Variants in MBNL2 observed in about 807,000 individuals in gnomAD.
The protein encoded by MBNL2 is muscleblind like splicing regulator 2.
MBNL2 carries 17 observed loss-of-function variants against 41.9 expected under a neutral mutation model. The observed-to-expected ratio is 0.41, with a 90% CI of 0.28 to 0.61. MBNL2 has a LOEUF of 0.61. MBNL2 is among the 20% of genes least tolerant of loss of function. The pLI, the probability that MBNL2 is intolerant of heterozygous loss-of-function variation, is 0.35. For synonymous variants in MBNL2, 195 were observed against 182.9 expected (o/e 1.07, Z -0.53); for missense variants, 336 against 505.6 (o/e 0.66, Z 3.22).
At chr13:97,278,177 C>G (rs781131385) in intron 2 of MBNL2, among the ~76,000 whole-genome samples, 2 of 147,978 alleles carry the variant, frequency 1.4e-5, no homozygotes, top group Non-Finnish European at 1.5e-5. Context: ...TCACTTGAAC[C>G]CAGGAGGCAG....
chr13:97,331,936 A>T (rs1435726595), intron 2 of MBNL2, among the ~76,000 whole-genome samples: 1 of 152,236 alleles, frequency 6.6e-6, no homozygotes, highest in East Asian at 1.9e-4. Flanking sequence ...AAGAGCATTT[A>T]TAAGAAAATT....
intron 7 of MBNL2, among the ~76,000 whole-genome samples, chr13:97,363,788 C>G (rs572992285): frequency 6.6e-6 from 1 of 152,246 alleles, no homozygotes; most frequent in East Asian, 1.9e-4. Context: ...GTTGAAGAAT[C>G]TGGCAGTAGC....
At chr13:97,205,561 C>A in the MBNL2 span, among the ~76,000 whole-genome samples, 4 of 152,102 alleles carry the variant, frequency 2.6e-5, no homozygotes, top group Non-Finnish European at 4.4e-5. Context: ...AAGGGAGTAT[C>A]CTTTTAAAAG....
At chr13:97,232,549 G>A (rs1354886757) in intron 1 of MBNL2, among the ~76,000 whole-genome samples, 2 of 152,138 alleles carry the variant, frequency 1.3e-5, no homozygotes, top group Non-Finnish European at 2.9e-5. Context: ...AGAATAAGGG[G>A]TAAAACTCAA....
At chr13:97,330,333 C>T (rs1400620892) in intron 2 of MBNL2, among the ~76,000 whole-genome samples, 1 of 152,130 alleles carries the variant, frequency 6.6e-6, no homozygotes, top group East Asian at 1.9e-4. Flanking sequence ...CTCCCAGTTC[C>T]TGGGAGGCTC....
Position 97,260,872 on chromosome 13 carries a change from G to A in MBNL2, c.-604-14760G>A, listed in dbSNP as rs569530128. On this transcript the variant is annotated intron_variant, in intron 1 of 8. Transcript: ENST00000679496. Reference sequence around the variant, plus strand: ...ACCTCCTTATTTTTTTTTTAAATTAGCACAGGCCACCAGGCATAAACCCTT... The same window carrying A: ...ACCTCCTTATTTTTTTTTTAAATTAACACAGGCCACCAGGCATAAACCCTT... Among the ~76,000 whole-genome samples the A allele has an allele frequency of 1.1e-4, 16 of 151,700 alleles. No homozygotes were observed. The South Asian group carries it at 2.5e-3, about 24-fold the overall frequency.
chr13:97,178,097 C>T, the MBNL2 span, among the ~76,000 whole-genome samples: 1 of 152,120 alleles, frequency 6.6e-6, no homozygotes, highest in African/African-American at 2.4e-5. Flanking sequence ...ACAGTGGATA[C>T]TACACAGAAA....
the MBNL2 span, among the ~76,000 whole-genome samples, chr13:97,192,234 C>T: frequency 2.0e-5 from 3 of 152,310 alleles, no homozygotes; most frequent in African/African-American, 7.2e-5. Context: ...TCATTGTTCA[C>T]GCTTTCCCAA....
At chr13:97,322,204 C>A (rs1407614468) in intron 2 of MBNL2, among the ~76,000 whole-genome samples, 1 of 152,174 alleles carries the variant, frequency 6.6e-6, no homozygotes, top group Non-Finnish European at 1.5e-5. Flanking sequence ...TACCTCTGCT[C>A]TGCATAGCCT....
the MBNL2 span, among the ~76,000 whole-genome samples, chr13:97,160,555 G>A: frequency 6.6e-6 from 1 of 152,014 alleles, no homozygotes; most frequent in Non-Finnish European, 1.5e-5. Flanking sequence ...GAGGCACCTA[G>A]ACACGCACAC....
chr13:97,363,783 A>G (rs1039142521), intron 7 of MBNL2, among the ~76,000 whole-genome samples: 2 of 152,190 alleles, frequency 1.3e-5, no homozygotes, highest in Non-Finnish European at 2.9e-5. Flanking sequence ...CATTTGTTGA[A>G]GAATCTGGCA....
At chr13:97,143,578 T>A in the MBNL2 span, among the ~76,000 whole-genome samples, 7 of 152,246 alleles carry the variant, frequency 4.6e-5, no homozygotes, top group Admixed American at 4.6e-4. Flanking sequence ...CTCAAGTAAA[T>A]GTACTCACCT....
chr13:97,249,253 G>C (rs748914158), intron 1 of MBNL2, among the ~76,000 whole-genome samples: 45 of 152,164 alleles, frequency 3.0e-4, no homozygotes, highest in Admixed American at 4.6e-4. Context: ...GTTCAGTCTG[G>C]AAAGTGTTTC....
chr13:97,188,317 C>A, the MBNL2 span, among the ~76,000 whole-genome samples: 3 of 152,094 alleles, frequency 2.0e-5, no homozygotes, highest in African/African-American at 7.2e-5. Flanking sequence ...AGTGGGCATA[C>A]GGGCACTCCC....
chr13:97,264,864 T>G (rs907288934), intron 1 of MBNL2, among the ~76,000 whole-genome samples: 1 of 152,230 alleles, frequency 6.6e-6, no homozygotes, highest in Admixed American at 6.5e-5. Context: ...AATTCAGGGC[T>G]AGATTTCAGC....
chr13:97,370,299 A>ATCTT (rs1238456805), intron 8 of MBNL2, among the ~76,000 whole-genome samples: 1 of 152,218 alleles, frequency 6.6e-6, no homozygotes, highest in Non-Finnish European at 1.5e-5. Context: ...GCTAAGATGA[A>ATCTT]TCTTACACTG....
At chr13:97,276,855 CT>C (rs1188896657) in intron 2 of MBNL2, among the ~76,000 whole-genome samples, 1 of 151,566 alleles carries the variant, frequency 6.6e-6, no homozygotes, top group Non-Finnish European at 1.5e-5. Context: ...TCCTAAAACG[CT>C]TTTCTGAAAA....
intron 2 of MBNL2, among the ~76,000 whole-genome samples, chr13:97,311,787 G>A (rs2058633506): frequency 6.6e-6 from 1 of 152,012 alleles, no homozygotes; most frequent in African/African-American, 2.4e-5. Context: ...GGCTACAGGT[G>A]GGTTAACGTC....
the MBNL2 span, among the ~76,000 whole-genome samples, chr13:97,158,450 T>C: frequency 6.6e-6 from 1 of 152,208 alleles, no homozygotes; most frequent in South Asian, 2.1e-4. Context: ...TTTGAATGTG[T>C]TTGCTCTTGC....
Sources: gnomAD v4.1 joint callset for allele counts (sites outside exome capture counted in the v4.1 genomes callset) on GRCh38, gnomAD v4.1.1 for gene constraint, MANE v1.5 for transcripts, NCBI Gene and HGNC (gene_info 2026-07-23, HGNC 2026-07-21) for gene names.